Variants in EDEM3 observed in about 807,000 individuals in gnomAD.
EDEM3 encodes ER degradation enhancing alpha-mannosidase like protein 3.
Under a neutral mutation model 110.2 loss-of-function variants are expected in EDEM3, and 60 were observed. The observed-to-expected ratio is 0.54, with a 90% confidence interval of 0.44 to 0.67. EDEM3 has a LOEUF of 0.67. EDEM3 is among the 30% of genes least tolerant of loss of function. EDEM3 has a pLI of 0.00. For missense variants in EDEM3, 996 were observed against 1,121.0 expected, an observed-to-expected ratio of 0.89 and a Z score of 1.59; for synonymous variants, 352 against 382.9, an observed-to-expected ratio of 0.92 and a Z score of 0.94.
At position 184,706,669 on chromosome 1, in the gene EDEM3, G is replaced by A. The variant is rs1462783956; in HGVS notation, c.2177C>T (p.Ala726Val). Residue 726 changes from alanine (A) to valine (V), a missense_variant, in exon 18 of 20, where the codon GCT becomes GTT. By Grantham distance (64) the Ala-to-Val change is moderately conservative (BLOSUM62 0). This residue lies in a region of EDEM3 where 345 missense variants were observed against 402.0 expected (regional missense o/e 0.86). Transcript: ENST00000318130. Reference sequence around the variant, plus strand: ...AATAACAATGCCACCAATGGCTCCAGCATTCTGGATGTTGCGTGCCTTTTC... The same window carrying A: ...AATAACAATGCCACCAATGGCTCCAACATTCTGGATGTTGCGTGCCTTTTC... ...FAEKARNIQN[A>V]GAIGGIVIDD... 7 of 1,612,878 alleles carry A rather than the reference G, an allele frequency of 4.3e-6. No individual in the cohort carries two copies. The highest frequency in any genetic ancestry group is 5.9e-6 in the Non-Finnish European group (7 of 1,179,204).
chr1:184,694,098 C>G lies in EDEM3; in HGVS notation c.2764G>C (p.Glu922Gln), dbSNP rs948245150. Residue 922 changes from glutamate to glutamine, a missense_variant, in exon 20 of 20, where the codon GAA (glutamate) becomes CAA (glutamine). Physicochemically the swap from Glu to Gln is conservative, Grantham distance 29. Coordinates refer to ENST00000318130, the MANE Select transcript of EDEM3 (RefSeq NM_025191.4). ...TCCTTCTCCATCATTTCAAATGCTTCTATATCTTCATTCCAGTCTGCTAAT... is the reference window on the plus strand; with the variant it reads ...TCCTTCTCCATCATTTCAAATGCTTGTATATCTTCATTCCAGTCTGCTAAT... ...SILADWNEDI[E>Q]AFEMMEKDEL is the part of the protein sequence containing the mutation. 3.7e-6 allele frequency: 6 copies of G among 1,612,950 alleles called. No individual in the cohort carries two copies. The highest frequency in any genetic ancestry group is 1.6e-4 in the Middle Eastern group (1 of 6,074).
chr1:184,698,237 C>A (rs9658937), intron 19 of EDEM3, among the ~76,000 whole-genome samples: 77,385 of 151,482 alleles, frequency 0.51, 20,029 homozygotes, highest in East Asian at 0.68. Context: ...AAAATGAAAA[C>A]GACCCATATA....
Position 184,754,823 on chromosome 1 carries a change from C to T in EDEM3, c.-177G>A, listed in dbSNP as rs539174646. The T allele has an allele frequency of 2.3e-4, 233 of 1,031,312 alleles. 2 individuals are homozygous for T. Among genetic ancestry groups the T allele is most frequent in the South Asian group, 2.2e-3 (120 of 54,362 alleles). 63.9% of individuals were successfully genotyped at this position (1,031,312 alleles called of 1,614,324 possible). On this transcript the variant is annotated 5_prime_UTR_variant, in exon 1 of 20. Transcript: ENST00000318130. ...CCACCAAGCCGGTCCCCAGCGCCAG[C>T]GCTGCCACCGCCCTCCGCCCTCAGT... is the stretch of plus-strand genomic sequence containing the variant.
intron 1 of EDEM3, among the ~76,000 whole-genome samples, chr1:184,754,064 C>T (rs1652940090): frequency 6.6e-6 from 1 of 152,232 alleles, no homozygotes; most frequent in African/African-American, 2.4e-5. Context: ...GTGTAAACAT[C>T]ATTTCCTTAA....
chr1:184,716,058 C>T (rs1397151693), intron 13 of EDEM3, among the ~76,000 whole-genome samples: 2 of 152,098 alleles, frequency 1.3e-5, no homozygotes, highest in Non-Finnish European at 2.9e-5. Flanking sequence ...CTTCAGGAAC[C>T]CTTCGCTGAC....
rs1450897709 is a variant in EDEM3, at chr1:184,754,642, C to T, written c.5G>A (p.Ser2Asn). Residue 2 changes from serine (S) to asparagine (N), a missense_variant, in exon 1 of 20, where the codon AGC becomes AAC. Physicochemically the swap from Ser to Asn is conservative, Grantham distance 46 (BLOSUM62 1). Transcript: ENST00000318130. ...CCCACAGCCCCGGCCGCCGGCTTCG[C>T]TCATGGCCCCGCGGTTCCGCGCACG... M[S>N]EAGGRGCGSP... 2 of 1,570,718 alleles carry T rather than the reference C, an allele frequency of 1.3e-6. No individual in the cohort carries two copies. Among genetic ancestry groups the T allele is most frequent in the South Asian group, 2.3e-5 (2 of 86,990 alleles).
chr1:184,700,940 A>T (rs1050696314), intron 19 of EDEM3, among the ~76,000 whole-genome samples: 3 of 152,054 alleles, frequency 2.0e-5, no homozygotes, highest in African/African-American at 4.8e-5. Flanking sequence ...TCAAAAGATC[A>T]CTCTATAACA....
In EDEM3 at chr1:184,738,428, CTGA is replaced by C. The variant is rs199679687; in HGVS notation, c.205-720_205-718del. Among the ~76,000 whole-genome samples, 424 of 152,270 alleles carry C rather than the reference CTGA, an allele frequency of 2.8e-3. 4 individuals carry two copies. The East Asian group carries it at 0.035, about 13-fold the overall frequency. The stretch of plus-strand genomic sequence containing the variant: ...ACCCATTCCTCAAAGTATCCCTTTA[CTGA>C]TGAACATGGAGGTTGATTTCAATTT... On this transcript the variant is annotated intron_variant, in intron 2 of 19. Transcript: ENST00000318130.
Position 184,691,180 on chromosome 1 carries a change from G to C in EDEM3, c.*2883C>G, listed in dbSNP as rs1571334064. The C allele has an allele frequency of 6.6e-6, 1 of 152,434 alleles. No homozygotes were observed. Among genetic ancestry groups the C allele is most frequent in the South Asian group, 2.1e-4 (1 of 4,828 alleles). The allele number at this position is 152,434 out of a possible 1,614,324, so 9.4% of individuals were successfully genotyped here. On this transcript the variant is annotated 3_prime_UTR_variant, in exon 20 of 20. Coordinates refer to ENST00000318130, the MANE Select transcript of EDEM3 (RefSeq NM_025191.4). ...CCTATTGCAATTTAAGAAGAAAAAA[G>C]AAAACTTGCCTAACAAAATATCCCA... is the stretch of plus-strand genomic sequence containing the variant.
In EDEM3 at chr1:184,711,888, AAAACATTTTATGT is replaced by A; in HGVS notation, c.1537-24_1537-12del. The A allele has an allele frequency of 1.3e-6, 2 of 1,570,850 alleles. No homozygotes were observed. The highest frequency in any genetic ancestry group is 1.7e-6 in the Non-Finnish European group (2 of 1,164,144). ...TGTATATTCCGAGGTCTACAAGAGA[AAAACATTTTATGT>A]AAACAGAAATAATTATTTTACTTAA... On this transcript the variant is annotated splice_polypyrimidine_tract_variant and intron_variant, in intron 14 of 19. Coordinates refer to ENST00000318130, the MANE Select transcript of EDEM3 (RefSeq NM_025191.4).
intron 3 of EDEM3, 69 bp from the exon 4 acceptor site, chr1:184,737,133 C>T: frequency 7.7e-7 from 1 of 1,300,770 alleles, no homozygotes; most frequent in Non-Finnish European, 1.1e-6. Context: ...TACAAGTAGA[C>T]TTATCTACAT....
chr1:184,735,995 A>G (rs1162544317), intron 4 of EDEM3, among the ~76,000 whole-genome samples: 1 of 152,210 alleles, frequency 6.6e-6, no homozygotes, highest in Non-Finnish European at 1.5e-5. Flanking sequence ...TCTTTCTCAT[A>G]GTTACTGTAA....
intron 2 of EDEM3, among the ~76,000 whole-genome samples, chr1:184,747,221 T>C (rs901765466): frequency 2.0e-5 from 3 of 152,180 alleles, no homozygotes; most frequent in African/African-American, 4.8e-5. Flanking sequence ...TCATTTTACA[T>C]AGAAAGACAC....
intron 15 of EDEM3, 37 bp from the exon 16 acceptor site, chr1:184,710,584 A>G (rs1431234578): frequency 2.6e-6 from 4 of 1,542,372 alleles, no homozygotes; most frequent in Admixed American, 4.2e-5. Context: ...TTAAAAAACT[A>G]TAAATTAGAA....
intron 7 of EDEM3, among the ~76,000 whole-genome samples, chr1:184,724,085 G>A (rs1009283296): frequency 6.6e-6 from 1 of 151,950 alleles, no homozygotes; most frequent in African/African-American, 2.4e-5. Context: ...ACTATTCAGA[G>A]GAAGGCTCAC....
Position 184,754,506 on chromosome 1 carries a change from C to T in EDEM3, c.141G>A (p.Glu47=), listed in dbSNP as rs1364401671. 13 of 1,613,238 alleles carry T rather than the reference C, an allele frequency of 8.1e-6. No individual in the cohort carries two copies. Among genetic ancestry groups the T allele is most frequent in the Non-Finnish European group, 8.5e-6 (10 of 1,179,836 alleles). Residue 47 remains glutamate (E), a synonymous_variant, in exon 1 of 20, where the codon GAG becomes GAA. Transcript: ENST00000318130. Reference sequence around the variant, plus strand: ...ACCCTTACCCAAGCTTCTGTTTCTCCTCCCTACTCATGGGCTCGGCCCCCG... The same window carrying T: ...ACCCTTACCCAAGCTTCTGTTTCTCTTCCCTACTCATGGGCTCGGCCCCCG... ...WTAGAEPMSR[E]EKQKLGNQVL... is the part of the protein sequence containing the mutation.
At chr1:184,701,650 T>C in intron 19 of EDEM3, 3 of 679,324 alleles carry the variant, frequency 4.4e-6, no homozygotes, top group Non-Finnish European at 6.3e-6. Context: ...AATGCATATA[T>C]GTAGGCAAGA....
In EDEM3 at chr1:184,734,656, A is replaced by C; in HGVS notation, c.346-13T>G. On this transcript the variant is annotated splice_polypyrimidine_tract_variant and intron_variant, in intron 4 of 19. Coordinates refer to ENST00000318130, the MANE Select transcript of EDEM3 (RefSeq NM_025191.4). ...TTTTATTTAAAACCTGGGAGAAGAA[A>C]ATTATGAAATAAAGTTCTTTTCTAC... The C allele has an allele frequency of 8.8e-7, 1 of 1,130,090 alleles. No homozygotes were observed. The highest frequency in any genetic ancestry group is 2.3e-5 in the Admixed American group (1 of 43,106). The allele number at this position is 1,130,090 out of a possible 1,614,324, so 70.0% of individuals were successfully genotyped here. A position where few individuals can be genotyped will look rare whatever the true frequency, so the allele number is the denominator to read the frequency against.
chr1:184,713,528 A>G (rs1292793066), intron 13 of EDEM3, among the ~76,000 whole-genome samples: 2 of 152,208 alleles, frequency 1.3e-5, no homozygotes, highest in East Asian at 1.9e-4. Flanking sequence ...CTACTCCCCA[A>G]AGCATCATAG....
Sources: allele counts gnomAD v4.1 joint callset (sites outside exome capture counted in the v4.1 genomes callset), GRCh38; gene constraint gnomAD v4.1.1; regional missense constraint gnomAD v4.1.1; transcripts MANE v1.5; gene names NCBI Gene and HGNC (gene_info 2026-07-23, HGNC 2026-07-21).